Variants in FMN2 observed in about 807,000 individuals in gnomAD.
FMN2 encodes formin 2, also known as formin-2.
In FMN2, 51 loss-of-function variants were observed where a neutral mutation model predicts 142.3. The observed-to-expected ratio is 0.36, with a 90% CI of 0.29 to 0.45. FMN2 has a LOEUF of 0.45. FMN2 is among the 20% of genes least tolerant of loss of function. FMN2 has a pLI of 1.00. For missense variants in FMN2, 1,936 were observed against 2,122.8 expected, an observed-to-expected ratio of 0.91 and a Z score of 1.73; for synonymous variants, 882 against 869.8, an observed-to-expected ratio of 1.01 and a Z score of -0.25.
intron 2 of FMN2, among the ~76,000 whole-genome samples, chr1:240,152,006 A>G (rs1040702404): frequency 1.3e-5 from 2 of 152,022 alleles, no homozygotes; most frequent in East Asian, 1.9e-4. Flanking sequence ...GGCTCAAGCA[A>G]TCCTCCTGCT....
At chr1:240,341,360 G>C (rs1392977371) in intron 13 of FMN2, 1 of 152,070 alleles carries the variant, frequency 6.6e-6, no homozygotes, top group Non-Finnish European at 1.5e-5. Context: ...AGAGTCACTA[G>C]TTTCCTATGT....
chr1:240,322,272 G>A (rs972037219), intron 8 of FMN2, among the ~76,000 whole-genome samples: 4 of 152,062 alleles, frequency 2.6e-5, no homozygotes, highest in African/African-American at 9.7e-5. Context: ...AAGCTCCTTG[G>A]CATCTTCTAT....
intron 2 of FMN2, chr1:240,144,364 G>T (rs971278499): frequency 1.2e-6 from 2 of 1,606,714 alleles, no homozygotes; most frequent in South Asian, 2.2e-5. Context: ...GCTCCATGAT[G>T]TCCAGCTCCC....
intron 14 of FMN2, among the ~76,000 whole-genome samples, chr1:240,363,222 G>A (rs1672553007): frequency 6.6e-6 from 1 of 152,174 alleles, no homozygotes; most frequent in Non-Finnish European, 1.5e-5. Flanking sequence ...CTGAAAATAT[G>A]ATAAAGACAC....
At chr1:240,103,993 C>T (rs574533003) in intron 1 of FMN2, among the ~76,000 whole-genome samples, 164 of 151,910 alleles carry the variant, frequency 1.1e-3, no homozygotes, top group African/African-American at 3.7e-3. Flanking sequence ...TCTCCTGCCT[C>T]AGCCTCCCGA....
intron 3 of FMN2, among the ~76,000 whole-genome samples, chr1:240,185,658 G>A (rs533333527): frequency 3.0e-4 from 46 of 152,252 alleles, no homozygotes; most frequent in East Asian, 9.7e-4. Flanking sequence ...TCCAGTTACC[G>A]GGTCAAGGAC....
chr1:240,273,260 G>A (rs1669082474), intron 7 of FMN2, among the ~76,000 whole-genome samples: 1 of 152,148 alleles, frequency 6.6e-6, no homozygotes, highest in Non-Finnish European at 1.5e-5. Context: ...GATCATAATA[G>A]GGAACACTTA....
chr1:240,229,012 TG>T (rs1443520085), intron 6 of FMN2, among the ~76,000 whole-genome samples: 1 of 151,994 alleles, frequency 6.6e-6, no homozygotes, highest in African/African-American at 2.4e-5. Flanking sequence ...AAATCCTTTC[TG>T]GCCTTCTGGG....
chr1:240,242,964 T>C (rs1484179969), intron 6 of FMN2, among the ~76,000 whole-genome samples: 1 of 152,102 alleles, frequency 6.6e-6, no homozygotes, highest in Non-Finnish European at 1.5e-5. Context: ...AGATACCACT[T>C]GTGGGCATGG....
chr1:240,328,962 A>T, intron 8 of FMN2, 114 bp from the exon 9 acceptor site: 1 of 863,460 alleles, frequency 1.2e-6, no homozygotes, highest in Non-Finnish European at 1.8e-6. Context: ...AAACATGAAA[A>T]TATATAGCGT....
chr1:240,256,717 C>G (rs1021441481), intron 6 of FMN2, among the ~76,000 whole-genome samples: 1 of 152,126 alleles, frequency 6.6e-6, no homozygotes. Flanking sequence ...TGCCACTGCA[C>G]TCCTTCCTGG....
intron 2 of FMN2, among the ~76,000 whole-genome samples, chr1:240,162,412 C>T (rs147090396): frequency 0.01 from 1,561 of 149,772 alleles, 26 homozygotes; most frequent in African/African-American, 0.036. Context: ...TGCTGTGAAC[C>T]GAGATCGCAC....
chr1:240,214,294 G>A (rs983269543), intron 6 of FMN2, among the ~76,000 whole-genome samples: 3 of 152,248 alleles, frequency 2.0e-5, no homozygotes, highest in African/African-American at 7.2e-5. Context: ...GCTCACGCCT[G>A]TAATCCCAGC....
At chr1:240,267,632 TAAAAAAA>T (rs60539167) in intron 7 of FMN2, among the ~76,000 whole-genome samples, 10 of 140,620 alleles carry the variant, frequency 7.1e-5, no homozygotes, top group Non-Finnish European at 7.9e-5. Context: ...CCCCTGAACT[TAAAAAAA>T]AAAAAAAAAG....
At chr1:240,380,409 T>A (rs892883693) in intron 14 of FMN2, among the ~76,000 whole-genome samples, 3 of 151,866 alleles carry the variant, frequency 2.0e-5, no homozygotes, top group African/African-American at 4.8e-5. Context: ...AAAATTAAGG[T>A]AGAAATCAAA....
rs564621557 is a variant in FMN2, at chr1:240,117,454, G to A, written c.1616-5725G>A. Among the ~76,000 whole-genome samples, 14 of 152,306 alleles carry A rather than the reference G, an allele frequency of 9.2e-5. 1 individual carries two copies. The South Asian group carries it at 2.3e-3, about 25-fold the overall frequency. ...CAAAGAGAAAGTGGATGGCTGCGCC[G>A]AAACAGGTCGTGGTTTCACCTGACA... On this transcript the variant is annotated intron_variant, in intron 1 of 17. Transcript: ENST00000319653.
At chr1:240,237,928 C>G (rs1667763777) in intron 6 of FMN2, among the ~76,000 whole-genome samples, 1 of 152,170 alleles carries the variant, frequency 6.6e-6, no homozygotes, top group African/African-American at 2.4e-5. Flanking sequence ...GCATCTGATT[C>G]TAAAATTGCT....
chr1:240,456,934 T>A (rs1558117614), intron 16 of FMN2, among the ~76,000 whole-genome samples: 1 of 152,230 alleles, frequency 6.6e-6, no homozygotes, highest in Non-Finnish European at 1.5e-5. Flanking sequence ...TAAGGTTCGC[T>A]ATGAAGATTC....
Position 240,329,454 on chromosome 1 carries a change from C to A in FMN2, c.4423C>A (p.Gln1475Lys). 1 of 1,613,874 alleles carries A rather than the reference C, an allele frequency of 6.2e-7. No individual in the cohort carries two copies. The highest frequency in any genetic ancestry group is 8.5e-7 in the Non-Finnish European group (1 of 1,179,888). The change falls in exon 10 of 18, where the codon CAG becomes AAG. Residue 1475 changes from glutamine to lysine, a missense_variant. Coordinates refer to ENST00000319653, the MANE Select transcript of FMN2 (RefSeq NM_020066.5). ...CSIRRKLELL[Q>K]KLCETLKNGP... Reference sequence around the variant, plus strand: ...AATTCGTCGCAAACTGGAATTACTACAGAAATTGTGTGAGGTGAGTTCTGG... The same window carrying A: ...AATTCGTCGCAAACTGGAATTACTAAAGAAATTGTGTGAGGTGAGTTCTGG...
Sources: allele counts gnomAD v4.1 joint callset (sites outside exome capture counted in the v4.1 genomes callset), GRCh38; gene constraint gnomAD v4.1.1; transcripts MANE v1.5; gene names NCBI Gene and HGNC (gene_info 2026-07-23, HGNC 2026-07-21).